Variants in LARGE1 observed in about 807,000 individuals in gnomAD.
The protein encoded by LARGE1 is xylosyl- and glucuronyltransferase LARGE1.
In LARGE1, 43 loss-of-function variants were observed where a neutral mutation model predicts 87.6. The ratio of observed to expected loss-of-function variants is 0.49; its 90% CI spans 0.38 to 0.63. The LOEUF (loss-of-function observed/expected upper bound fraction) is 0.63. Ranked by LOEUF, LARGE1 falls within the 30% of genes least tolerant of loss-of-function variation. LARGE1 has a pLI of 0.00. For synonymous variants in LARGE1, 434 were observed against 394.6 expected (o/e 1.10, Z -1.18); for missense variants, 802 against 1,000.2 (o/e 0.80, Z 2.67).
At chr22:33,167,896 C>A (rs1167663422) in intron 11 of LARGE1, among the ~76,000 whole-genome samples, 1 of 152,140 alleles carries the variant, frequency 6.6e-6, no homozygotes, top group African/African-American at 2.4e-5. Context: ...TCAGAAAAAA[C>A]AAATTGTTGG....
At chr22:33,101,496 T>C in the LARGE1 span, among the ~76,000 whole-genome samples, 2 of 152,228 alleles carry the variant, frequency 1.3e-5, no homozygotes, top group Non-Finnish European at 2.9e-5. Context: ...GTATCTCCTC[T>C]GTGCTAGGAA....
At chr22:33,579,075 C>T (rs2078436190) in intron 5 of LARGE1, among the ~76,000 whole-genome samples, 1 of 152,200 alleles carries the variant, frequency 6.6e-6, no homozygotes, top group Non-Finnish European at 1.5e-5. Context: ...GGATTTTTAA[C>T]TTCTGTACTT....
chr22:33,688,822 C>T (rs2082015222), intron 2 of LARGE1, among the ~76,000 whole-genome samples: 2 of 152,094 alleles, frequency 1.3e-5, no homozygotes, highest in African/African-American at 4.8e-5. Flanking sequence ...ACCAACTGTG[C>T]TGTCCATAAT....
chr22:33,267,269 C>T (rs1205622472), intron 11 of LARGE1, among the ~76,000 whole-genome samples: 1 of 151,376 alleles, frequency 6.6e-6, no homozygotes, highest in Non-Finnish European at 1.5e-5. Flanking sequence ...CCCAAAAAAT[C>T]CCTTCTCTCA....
chr22:33,379,284 T>C (rs557587648), intron 9 of LARGE1, among the ~76,000 whole-genome samples: 1 of 150,400 alleles, frequency 6.6e-6, no homozygotes, highest in East Asian at 1.9e-4. Context: ...TTTATTATAC[T>C]TTAAGTTCTA....
chr22:33,199,278 T>C (rs1924249494), intron 11 of LARGE1, among the ~76,000 whole-genome samples: 1 of 152,150 alleles, frequency 6.6e-6, no homozygotes, highest in Non-Finnish European at 1.5e-5. Context: ...GGATGCATAG[T>C]TTGCAAATAC....
chr22:33,347,721 G>A (rs577773344), intron 9 of LARGE1, among the ~76,000 whole-genome samples: 2 of 152,264 alleles, frequency 1.3e-5, no homozygotes, highest in East Asian at 3.9e-4. Context: ...GCTGCACTTA[G>A]TTGCTATGTA....
At chr22:33,326,039 G>A (rs1937211510) in intron 10 of LARGE1, among the ~76,000 whole-genome samples, 1 of 152,248 alleles carries the variant, frequency 6.6e-6, no homozygotes, top group East Asian at 1.9e-4. Flanking sequence ...AAAAGCTCAC[G>A]ACCTTCCTCG....
At chr22:33,559,071 G>T (rs1250286483) in intron 6 of LARGE1, among the ~76,000 whole-genome samples, 1 of 152,196 alleles carries the variant, frequency 6.6e-6, no homozygotes, top group South Asian at 2.1e-4. Flanking sequence ...ATCTGACACC[G>T]GGTAATTTAT....
intron 11 of LARGE1, among the ~76,000 whole-genome samples, chr22:33,216,392 G>T (rs538779578): frequency 2.6e-5 from 4 of 152,106 alleles, no homozygotes; most frequent in Admixed American, 1.3e-4. Flanking sequence ...ACTTAGGGAG[G>T]CCGAGGCAGG....
At chr22:33,583,966 A>C (rs1183442514) in intron 5 of LARGE1, among the ~76,000 whole-genome samples, 1 of 152,214 alleles carries the variant, frequency 6.6e-6, no homozygotes, top group East Asian at 1.9e-4. Context: ...AAATTGGCCC[A>C]ACTTTCCCCG....
intron 7 of LARGE1, among the ~76,000 whole-genome samples, chr22:33,399,334 C>T (rs1418802964): frequency 6.6e-6 from 1 of 152,178 alleles, no homozygotes; most frequent in East Asian, 1.9e-4. Flanking sequence ...TTTATGGCTG[C>T]ATAGTATTCC....
intron 9 of LARGE1, among the ~76,000 whole-genome samples, chr22:33,355,081 G>A (rs4821143): frequency 0.91 from 138,655 of 151,982 alleles, 63,297 homozygotes; most frequent in East Asian, 0.95. Context: ...CAGATAAGAA[G>A]TATTTTAGTA....
intron 2 of LARGE1, among the ~76,000 whole-genome samples, chr22:33,709,979 G>GAAAAA (rs5845106): frequency 2.3e-5 from 2 of 88,790 alleles, no homozygotes; most frequent in Non-Finnish European, 2.3e-5. Context: ...TTGCTAGGCA[G>GAAAAA]AAAAAAAAAA....
chr22:33,707,006 T>A (rs2082582222), intron 2 of LARGE1, among the ~76,000 whole-genome samples: 1 of 152,182 alleles, frequency 6.6e-6, no homozygotes, highest in Non-Finnish European at 1.5e-5. Context: ...AACATATATG[T>A]GTTAAGGTGT....
intron 6 of LARGE1, among the ~76,000 whole-genome samples, chr22:33,484,060 C>T (rs1211806569): frequency 6.6e-6 from 1 of 152,170 alleles, no homozygotes; most frequent in Non-Finnish European, 1.5e-5. Flanking sequence ...CATTTATCTA[C>T]CCGGGCTGTA....
Position 33,805,769 on chromosome 22 carries a change from A to G in LARGE1, c.-82-44211T>C, listed in dbSNP as rs1010027448. Among the ~76,000 whole-genome samples the G allele has an allele frequency of 9.9e-5, 15 of 151,020 alleles. No homozygotes were observed. The South Asian group carries it at 1.1e-3, about 11-fold the overall frequency. ...TAAATAAGTAAATAAATGAATAAAT[A>G]AATAAATAAATAAATAAAATAACAA... On this transcript the variant is annotated intron_variant, in intron 1 of 14. Coordinates refer to ENST00000397394, the MANE Select transcript of LARGE1 (RefSeq NM_133642.5).
chr22:33,144,133 A>G, the LARGE1 span, among the ~76,000 whole-genome samples: 1 of 151,956 alleles, frequency 6.6e-6, no homozygotes, highest in Non-Finnish European at 1.5e-5. Context: ...TTCTTTTATA[A>G]CTTCACTTCG....
chr22:33,342,817 G>A lies in LARGE1; in HGVS notation c.1132-5016C>T, dbSNP rs561599472. 4.2e-4 allele frequency among the ~76,000 whole-genome samples: 64 copies of A among 152,256 alleles called. No individual in the cohort carries two copies. In the South Asian group the frequency reaches 0.012, roughly 30 times the overall value. On this transcript the variant is annotated intron_variant, in intron 9 of 14. Transcript: ENST00000397394. The stretch of plus-strand genomic sequence containing the variant: ...GGGGGAGTGGATGGCGAGGTCTTAG[G>A]CAAGCAAAGGCGGTTCTGAAGAGTG...
Sources: gnomAD v4.1 joint callset for allele counts (sites outside exome capture counted in the v4.1 genomes callset) on GRCh38, gnomAD v4.1.1 for gene constraint, MANE v1.5 for transcripts, NCBI Gene and HGNC (gene_info 2026-07-23, HGNC 2026-07-21) for gene names.